Variants in CCNE1 observed in about 807,000 individuals in gnomAD.
CCNE1 encodes the protein cyclin E1.
Under a neutral mutation model 54.1 loss-of-function variants are expected in CCNE1, and 8 were observed. That is an observed-to-expected ratio of 0.15 (90% confidence interval 0.09 to 0.27). The LOEUF is 0.27. Among genes scored for constraint, CCNE1 ranks in the 10% least tolerant of loss-of-function variants. CCNE1 has a pLI of 1.00. For synonymous variants in CCNE1, 179 were observed against 185.2 expected, an observed-to-expected ratio of 0.97 and a Z score of 0.27; for missense variants, 430 against 514.9, an observed-to-expected ratio of 0.84 and a Z score of 1.60.
At chr19:29,812,486 C>CCCGCGGCCTGACCCCG in intron 1 of CCNE1, 46 bp from the exon 2 acceptor site, 31 of 1,226,772 alleles carry the variant, frequency 2.5e-5, no homozygotes, top group Non-Finnish European at 3.1e-5. Context: ...GGGTACTGGG[C>CCCGCGGCCTGACCCCG]CCGCGGCCTG....
chr19:29,820,341 G>A (rs3218058), intron 6 of CCNE1, among the ~76,000 whole-genome samples: 4,909 of 152,094 alleles, frequency 0.032, 285 homozygotes, highest in African/African-American at 0.11. Flanking sequence ...ACTTGAGGCC[G>A]GGAGTTCAAA....
rs202195306 is a variant in CCNE1 at position 29,823,854 on chromosome 19, C to A, written c.*77C>A. 2.1e-6 allele frequency: 3 copies of A among 1,437,608 alleles called. No individual in the cohort carries two copies. The highest frequency in any genetic ancestry group is 2.8e-6 in the Non-Finnish European group (3 of 1,071,372). 89.1% of individuals were successfully genotyped at this position (1,437,608 alleles called of 1,614,324 possible). On this transcript the variant is annotated 3_prime_UTR_variant, in exon 12 of 12. Transcript: ENST00000262643. ...TTCTGTCTGTTGCAGCGGAGGCGTGCGTTTGCTTTTACAGATATCTGAATG... is the reference window on the plus strand; with the variant it reads ...TTCTGTCTGTTGCAGCGGAGGCGTGAGTTTGCTTTTACAGATATCTGAATG...
chr19:29,813,144 C>G (rs1181441176), intron 4 of CCNE1, 107 bp downstream of exon 4: 4 of 1,016,672 alleles, frequency 3.9e-6, no homozygotes, highest in Non-Finnish European at 6.1e-6. Flanking sequence ...TGAGAGTGAA[C>G]TTCTCTAATG....
intron 6 of CCNE1, 23 bp downstream of exon 6, chr19:29,817,564 G>A (rs199616825): frequency 1.9e-4 from 299 of 1,613,826 alleles, no homozygotes; most frequent in African/African-American, 1.3e-3. Flanking sequence ...CTTCCTGTTC[G>A]CTTCATGAAA....
intron 4 of CCNE1, among the ~76,000 whole-genome samples, chr19:29,815,659 T>G (rs1343922579): frequency 6.8e-6 from 1 of 147,302 alleles, no homozygotes; most frequent in South Asian, 2.1e-4. Flanking sequence ...GACAGAGTCT[T>G]GCTCCGTCAC....
intron 4 of CCNE1, among the ~76,000 whole-genome samples, chr19:29,816,000 A>G (rs1357033113): frequency 6.6e-6 from 1 of 152,026 alleles, no homozygotes; most frequent in East Asian, 1.9e-4. Context: ...ACAAAAAAAT[A>G]CAAAAATTAG....
rs774594432 is a variant in CCNE1, at chr19:29,823,634, C to A, written c.1111-21C>A. The A allele has an allele frequency of 1.9e-6, 3 of 1,609,886 alleles. No homozygotes were observed. In the Admixed American group the frequency reaches 5.0e-5, roughly 27 times the overall value. On this transcript the variant is annotated intron_variant, in intron 11 of 11. Transcript: ENST00000262643. Reference sequence around the variant, plus strand: ...GATATGTTCTACTCTAATGTGTTGTCCCTTTTATTCTTACCAACAGGACAA... The same window carrying A: ...GATATGTTCTACTCTAATGTGTTGTACCTTTTATTCTTACCAACAGGACAA...
chr19:29,822,943 C>CAA (rs11292796), intron 11 of CCNE1, among the ~76,000 whole-genome samples: 6 of 143,120 alleles, frequency 4.2e-5, no homozygotes, highest in East Asian at 2.0e-4. Context: ...AACTATGTCT[C>CAA]AAAAAAAAAA....
rs79047446 is a variant in CCNE1 at position 29,820,935 on chromosome 19, A to G, written c.609+87A>G. ...GGGGGAAGAGGTTGGCGCTTAGCCT[A>G]TAGCACTCATCCTAAATTTTTCTGA... On this transcript the variant is annotated intron_variant, in intron 7 of 11. Coordinates refer to ENST00000262643, the MANE Select transcript of CCNE1 (RefSeq NM_001238.4). 5.1e-3 allele frequency: 5,121 copies of G among 1,005,860 alleles called. 157 individuals are homozygous for G. In the African/African-American group the frequency reaches 0.069, roughly 14 times the overall value. 62.3% of individuals were successfully genotyped at this position (1,005,860 alleles called of 1,614,324 possible).
rs965374463 is a variant in CCNE1, at chr19:29,824,050, C to T, written c.*273C>T. ...GCTGCTATGGAAGGTGCTACTTGACCTAAGGGACTCCCACAACAACAAAAG... is the reference window on the plus strand; with the variant it reads ...GCTGCTATGGAAGGTGCTACTTGACTTAAGGGACTCCCACAACAACAAAAG... On this transcript the variant is annotated 3_prime_UTR_variant, in exon 12 of 12. Coordinates refer to ENST00000262643, the MANE Select transcript of CCNE1 (RefSeq NM_001238.4). 1.2e-5 allele frequency: 4 copies of T among 334,930 alleles called. No individual in the cohort carries two copies. Among genetic ancestry groups the T allele is most frequent in the African/African-American group, 2.1e-5 (1 of 47,834 alleles). The allele number at this position is 334,930 out of a possible 1,614,324, so 20.7% of individuals were successfully genotyped here. A position where few individuals can be genotyped will look rare whatever the true frequency, so the allele number is the denominator to read the frequency against.
intron 6 of CCNE1, among the ~76,000 whole-genome samples, chr19:29,818,582 T>A (rs1200156471): frequency 6.6e-6 from 1 of 152,196 alleles, no homozygotes; most frequent in Non-Finnish European, 1.5e-5. Context: ...CCTTTTTAAC[T>A]TCTTGGAATC....
At chr19:29,816,701 TG>T (rs1389609960) in intron 4 of CCNE1, among the ~76,000 whole-genome samples, 1 of 152,192 alleles carries the variant, frequency 6.6e-6, no homozygotes, top group Non-Finnish European at 1.5e-5. Flanking sequence ...TTTACATTTT[TG>T]ATCTTTTTTT....
chr19:29,820,835 C>T lies in CCNE1; in HGVS notation c.596C>T (p.Ala199Val), dbSNP rs2145727048. 1 of 1,593,936 alleles carries T rather than the reference C, an allele frequency of 6.3e-7. No individual in the cohort carries two copies. The highest frequency in any genetic ancestry group is 8.6e-7 in the Non-Finnish European group (1 of 1,165,004). ...ATTGGGATTTCATCTTTATTTATTG[C>T]AGCCAAACTTGAGGTAAATAATTTT... ...QLIGISSLFIAAKLEEIYPPK... is the reference protein window; with the variant it reads ...QLIGISSLFIVAKLEEIYPPK... The change falls in exon 7 of 12, where the codon GCA becomes GTA. Residue 199 changes from alanine to valine, a missense_variant. Transcript: ENST00000262643.
intron 4 of CCNE1, among the ~76,000 whole-genome samples, chr19:29,815,520 G>A (rs551069191): frequency 8.5e-5 from 13 of 152,078 alleles, no homozygotes; most frequent in South Asian, 6.2e-4. Context: ...TCGCCACCAT[G>A]TGCTGTGTCT....
chr19:29,822,517 G>A lies in CCNE1; in HGVS notation c.1024G>A (p.Gly342Arg), dbSNP rs1395798003. Residue 342 changes from glycine (G) to arginine (R), a missense_variant, in exon 11 of 12, where the codon GGG (glycine) becomes AGG (arginine). Around this residue, in one of 2 missense-constraint regions of CCNE1, gnomAD observed 303 missense variants for 401.1 expected, o/e 0.76. Coordinates refer to ENST00000262643, the MANE Select transcript of CCNE1 (RefSeq NM_001238.4). The part of the protein sequence containing the change: ...VPFAMVIRET[G>R]SSKLKHFRGV... ...ATTTGCCATGGTTATAAGGGAGACG[G>A]GGAGCTCAAAACTGAAGCACTTCAG... 1 of 1,614,068 alleles carries A rather than the reference G, an allele frequency of 6.2e-7. No homozygotes were observed. Among genetic ancestry groups the A allele is most frequent in the South Asian group, 1.1e-5 (1 of 91,070 alleles).
chr19:29,823,314 C>T (rs1008406494), intron 11 of CCNE1, among the ~76,000 whole-genome samples: 5 of 152,076 alleles, frequency 3.3e-5, no homozygotes, highest in Admixed American at 1.3e-4. Context: ...GAGGCGGAGG[C>T]GGGCAGATCG....
rs1974142259 is a variant in CCNE1, at chr19:29,821,412, T to C, written c.610-310T>C. 2.6e-5 allele frequency among the ~76,000 whole-genome samples: 4 copies of C among 151,934 alleles called. No individual in the cohort carries two copies. The South Asian group carries it at 8.3e-4, about 31-fold the overall frequency. The stretch of plus-strand genomic sequence containing the variant: ...AAAGAAAAAAGAAAAGATTAAAAAT[T>C]TGTGTATGATTATCAAAGGGTATAT... On this transcript the variant is annotated intron_variant, in intron 7 of 11. Transcript: ENST00000262643.
intron 4 of CCNE1, among the ~76,000 whole-genome samples, chr19:29,815,199 ATG>A (rs1973984219): frequency 6.6e-6 from 1 of 152,248 alleles, no homozygotes; most frequent in East Asian, 1.9e-4. Context: ...CTGCTCTCAG[ATG>A]TGCCAGCCAT....
At chr19:29,821,934 A>G (rs986441387) in intron 8 of CCNE1, 62 bp from the exon 9 acceptor site, 7 of 1,566,110 alleles carry the variant, frequency 4.5e-6, no homozygotes, top group South Asian at 1.1e-5. Flanking sequence ...GGCATGGAAC[A>G]TGGCTGCATT....
Sources: gnomAD v4.1 joint callset for allele counts (sites outside exome capture counted in the v4.1 genomes callset) on GRCh38, gnomAD v4.1.1 for gene constraint, gnomAD v4.1.1 regional missense constraint, MANE v1.5 for transcripts, NCBI Gene and HGNC (gene_info 2026-07-23, HGNC 2026-07-21) for gene names.